The following TDRD12 variants were observed in gnomAD, a reference collection of about 807,000 sequenced individuals.
TDRD12 encodes putative ATP-dependent RNA helicase TDRD12.
In TDRD12, 158 loss-of-function variants were observed where a neutral mutation model predicts 133.5. The observed-to-expected ratio is 1.18, with a 90% CI of 1.04 to 1.35. TDRD12 has a LOEUF of 1.35. TDRD12 is among the 40% of genes most tolerant of loss of function. TDRD12 has a pLI of 0.00. For missense variants in TDRD12, 1,443 were observed against 1,321.3 expected (o/e 1.09, Z -1.43); for synonymous variants, 460 against 477.9 (o/e 0.96, Z 0.49).
At chr19:32,720,878 G>C (rs942557538) in intron 1 of TDRD12, among the ~76,000 whole-genome samples, 2 of 135,150 alleles carry the variant, frequency 1.5e-5, no homozygotes, top group Admixed American at 7.4e-5. Context: ...GTAGAACCCG[G>C]ATGAGCCCGG....
At chr19:32,793,780 T>A (rs1001008020) in intron 13 of TDRD12, among the ~76,000 whole-genome samples, 1 of 149,198 alleles carries the variant, frequency 6.7e-6, no homozygotes, top group African/African-American at 2.5e-5. Flanking sequence ...ATTTAGAAAA[T>A]TAAAGCAAGA....
intron 1 of TDRD12, among the ~76,000 whole-genome samples, chr19:32,727,864 C>T (rs1968910278): frequency 6.6e-6 from 1 of 152,098 alleles, no homozygotes; most frequent in Non-Finnish European, 1.5e-5. Context: ...GACGGGATTT[C>T]ACCATGTTGG....
intron 22 of TDRD12, among the ~76,000 whole-genome samples, chr19:32,808,009 A>G (rs1966884556): frequency 6.6e-6 from 1 of 152,134 alleles, no homozygotes. Context: ...AGATCACTTG[A>G]GGCCAGGAGT....
At chr19:32,748,585 C>T (rs1489750706) in intron 5 of TDRD12, 54 bp downstream of exon 5, 1 of 1,502,310 alleles carries the variant, frequency 6.7e-7, no homozygotes, top group African/African-American at 1.4e-5. Flanking sequence ...CCACAGAGGC[C>T]TCAGCTTCTG....
chr19:32,811,301 G>A lies in TDRD12; in HGVS notation c.2929G>A (p.Val977Ile), dbSNP rs529006727. Residue 977 changes from valine to isoleucine, a missense_variant, in exon 24 of 28, where the codon GTC (valine) becomes ATC (isoleucine). By Grantham distance (29) the Val-to-Ile change is conservative. Coordinates refer to ENST00000444215, the Ensembl canonical transcript of TDRD12. ...CATCGATGAAGGCAGGACGGGGCTC[G>A]TCACAAGGGACCAGCTGCTGCATCT... is the stretch of plus-strand genomic sequence containing the variant. 11 of 1,536,070 alleles carry A rather than the reference G, an allele frequency of 7.2e-6. No homozygotes were observed. In the East Asian group the frequency reaches 2.0e-4, roughly 27 times the overall value.
intron 27 of TDRD12, among the ~76,000 whole-genome samples, chr19:32,820,130 A>G (rs563158668): frequency 6.6e-6 from 1 of 152,272 alleles, no homozygotes; most frequent in Non-Finnish European, 1.5e-5. Context: ...GCGGTGGCTC[A>G]GGACGCTCGC....
intron 21 of TDRD12, among the ~76,000 whole-genome samples, chr19:32,806,963 CAA>C (rs1394497727): frequency 6.6e-6 from 1 of 152,138 alleles, no homozygotes; most frequent in African/African-American, 2.4e-5. Flanking sequence ...TGCTCGGCCT[CAA>C]ATACTGACTT....
intron 8 of TDRD12, among the ~76,000 whole-genome samples, chr19:32,763,441 G>A (rs1970207102): frequency 6.6e-6 from 1 of 152,088 alleles, no homozygotes. Context: ...ACTGAGTTGT[G>A]TTATTTTCCT....
In TDRD12 at chr19:32,801,873, G is replaced by A. The variant is rs1222464048; in HGVS notation, c.2197G>A (p.Ala733Thr). 3 of 1,200,614 alleles carry A rather than the reference G, an allele frequency of 2.5e-6. 1 individual carries two copies. The South Asian group carries it at 4.7e-5, about 19-fold the overall frequency. The allele number at this position is 1,200,614 out of a possible 1,614,324, so 74.4% of individuals were successfully genotyped here. The stretch of plus-strand genomic sequence containing the variant: ...AAGTTCTGGCTCTCAAATTATATTA[G>A]GTAAGTGTTTTAATTTCTACTTCTA... Residue 733 changes from alanine to threonine, a missense_variant and splice_region_variant, in exon 19 of 28, where the codon GCC (alanine) becomes ACC (threonine). Coordinates refer to ENST00000444215, the Ensembl canonical transcript of TDRD12.
intron 11 of TDRD12, among the ~76,000 whole-genome samples, chr19:32,789,683 A>G (rs545322142): frequency 9.2e-5 from 14 of 152,220 alleles, no homozygotes; most frequent in Non-Finnish European, 1.9e-4. Flanking sequence ...TAACAGTTGG[A>G]TCTTGTGGCT....
Position 32,729,778 on chromosome 19 carries a change from C to CTTT in TDRD12, c.25-1921_25-1919dup, listed in dbSNP as rs1162347194. On this transcript the variant is annotated intron_variant, in intron 1 of 27. Transcript: ENST00000444215. ...TTTCTGGTGACTACTTTTTCTTTTT[C>CTTT]TTTTTTTTTTTTTTTTTTTTTTTTT... Among the ~76,000 whole-genome samples the CTTT allele has an allele frequency of 7.3e-4, 54 of 73,692 alleles. 3 individuals carry two copies. The highest frequency in any genetic ancestry group is 1.6e-3 in the South Asian group (3 of 1,870). 48.3% of individuals were successfully genotyped at this position (73,692 alleles called of 152,430 possible).
rs1969722494 is a variant in TDRD12 at position 32,748,469 on chromosome 19, G to C, written c.441-7G>C. 1.3e-6 allele frequency: 2 copies of C among 1,551,384 alleles called. No individual in the cohort carries two copies. Among genetic ancestry groups the C allele is most frequent in the Middle Eastern group, 1.7e-4 (1 of 6,010 alleles). On this transcript the variant is annotated splice_polypyrimidine_tract_variant and splice_region_variant and intron_variant, in intron 4 of 27. Coordinates refer to ENST00000444215, the Ensembl canonical transcript of TDRD12. Reference sequence around the variant, plus strand: ...TGTAATGGAGTTGCATCTGTTCACTGTTCCAGACCTGCCAAGAAGTGGGAC... The same window carrying C: ...TGTAATGGAGTTGCATCTGTTCACTCTTCCAGACCTGCCAAGAAGTGGGAC...
Position 32,774,984 on chromosome 19 carries a change from C to CA in TDRD12, c.1040+1465dup, listed in dbSNP as rs111890629. ...TGGGCAACAGAACAAGACTCCGTTT[C>CA]AAAAAAAAAAAAATCATAATATACC... is the stretch of plus-strand genomic sequence containing the variant. On this transcript the variant is annotated intron_variant, in intron 10 of 27. Transcript: ENST00000444215. 9.7e-3 allele frequency among the ~76,000 whole-genome samples: 1,360 copies of CA among 139,660 alleles called. 15 individuals carry two copies. The highest frequency in any genetic ancestry group is 0.03 in the African/African-American group (1,132 of 38,290). 91.6% of individuals were successfully genotyped at this position (139,660 alleles called of 152,430 possible). A position where few individuals can be genotyped will look rare whatever the true frequency, so the allele number is the denominator to read the frequency against.
At chr19:32,738,936 C>T in exon 3 of TDRD12, 2 of 1,551,158 alleles carry the variant, frequency 1.3e-6, no homozygotes, top group East Asian at 4.9e-5. Context: ...CAGACCAGTA[C>T]CTGGCAGAAT....
At chr19:32,744,083 C>T (rs1969516718) in intron 4 of TDRD12, among the ~76,000 whole-genome samples, 1 of 151,006 alleles carries the variant, frequency 6.6e-6, no homozygotes, top group Non-Finnish European at 1.5e-5. Context: ...CGTATCTCTT[C>T]TTTCTACTTT....
downstream of TDRD12, among the ~76,000 whole-genome samples, chr19:32,821,898 G>T (rs1967409004): frequency 6.6e-6 from 1 of 152,192 alleles, no homozygotes; most frequent in Non-Finnish European, 1.5e-5. Context: ...CAGGCTAATT[G>T]CACGGACTTA....
At chr19:32,826,343 T>C in exon 8 of TDRD12, 1 of 1,327,784 alleles carries the variant, frequency 7.5e-7, no homozygotes, top group South Asian at 2.5e-5. Context: ...ATTTAAGGGA[T>C]AGAGTCGTTT....
chr19:32,805,078 A>G (rs908413258), intron 21 of TDRD12, among the ~76,000 whole-genome samples: 8 of 151,390 alleles, frequency 5.3e-5, no homozygotes, highest in Non-Finnish European at 1.2e-4. Context: ...TGGGAGGATC[A>G]CTTGAGCTCA....
chr19:32,815,417 T>C (rs1203583021), intron 25 of TDRD12, 31 bp from the exon 26 acceptor site: 4 of 1,509,166 alleles, frequency 2.7e-6, no homozygotes, highest in Admixed American at 4.0e-5. Flanking sequence ...GAGTGATTAC[T>C]GCTAATGTTC....
Sources: gnomAD v4.1 joint callset for allele counts (sites outside exome capture counted in the v4.1 genomes callset) on GRCh38, gnomAD v4.1.1 for gene constraint, MANE v1.5 for transcripts, NCBI Gene and HGNC (gene_info 2026-07-23, HGNC 2026-07-21) for gene names.